The following RBBP7 variants were observed in gnomAD, a reference collection of about 807,000 sequenced individuals.
RBBP7 encodes histone-binding protein RBBP7.
Under a neutral mutation model 35.2 loss-of-function variants are expected in RBBP7, and 5 were observed. The ratio of observed to expected loss-of-function variants is 0.14; its 90% confidence interval spans 0.07 to 0.30. The LOEUF (loss-of-function observed/expected upper bound fraction) is 0.30. Ranked by LOEUF, RBBP7 falls within the 10% of genes least tolerant of loss-of-function variation. The probability of loss-of-function intolerance (pLI) is 1.00; values close to 1 mark genes in which losing one functional copy is unlikely to be tolerated. For missense variants in RBBP7, 155 were observed against 327.5 expected (o/e 0.47, Z 4.07); for synonymous variants, 140 against 118.7 (o/e 1.18, Z -1.17).
At chrX:16,853,022 C>T (rs73207149) in intron 6 of RBBP7, 147 bp from the exon 7 acceptor site, 384,316 of 951,500 alleles carry the variant, frequency 0.4, 58,582 homozygotes, top group Middle Eastern at 0.5. Context: ...ATTCAGACCT[C>T]GACCACTAAA....
chrX:16,861,100 G>C (rs1930466225), intron 3 of RBBP7, among the ~76,000 whole-genome samples: 1 of 111,822 alleles, frequency 8.9e-6, no homozygotes, highest in Non-Finnish European at 1.9e-5. Context: ...CTTGAACCCA[G>C]GAGGTGGAGG....
At chrX:16,864,800 C>T (rs1310887904) in intron 2 of RBBP7, among the ~76,000 whole-genome samples, 3 of 109,930 alleles carry the variant, frequency 2.7e-5, no homozygotes, top group African/African-American at 9.9e-5. Context: ...TCTTCAGCAG[C>T]TGGGACTACA....
At chrX:16,854,428 G>T (rs1930296184) in intron 5 of RBBP7, among the ~76,000 whole-genome samples, 1 of 110,469 alleles carries the variant, frequency 9.1e-6, no homozygotes, top group African/African-American at 3.3e-5. Flanking sequence ...CATACATTCA[G>T]ACATTCAAGT....
In RBBP7 at chrX:16,844,623, C is replaced by G. The variant is rs757760467; in HGVS notation, c.*412G>C. 497 of 108,519 alleles carry G rather than the reference C, an allele frequency of 4.6e-3. 2 individuals carry two copies. Among genetic ancestry groups the G allele is most frequent in the Admixed American group, 7.2e-3 (73 of 10,074 alleles). The allele number at this position is 108,519 out of a possible 1,213,427, so 8.9% of individuals were successfully genotyped here. On this transcript the variant is annotated 3_prime_UTR_variant, in exon 12 of 12. Coordinates refer to ENST00000380087, the MANE Select transcript of RBBP7 (RefSeq NM_002893.4). Reference sequence around the variant, plus strand: ...CAAAAAGTAGACTCCCCCGCCCCCCCCCACTAAGCTTTTAAAAAAACACAA... The same window carrying G: ...CAAAAAGTAGACTCCCCCGCCCCCCGCCACTAAGCTTTTAAAAAAACACAA...
chrX:16,870,026 A>T lies in RBBP7; in HGVS notation c.16+12T>A. The T allele has an allele frequency of 1.1e-6, 1 of 935,946 alleles. No individual in the cohort carries two copies. The highest frequency in any genetic ancestry group is 1.4e-6 in the Non-Finnish European group (1 of 739,138). 77.1% of individuals were successfully genotyped at this position (935,946 alleles called of 1,213,427 possible). Reference sequence around the variant, plus strand: ...GCGGCCCCGGCGCGCGCCGCCCCGCAGGGCCTCTTACTCTCTTTACTCGCC... The same window carrying T: ...GCGGCCCCGGCGCGCGCCGCCCCGCTGGGCCTCTTACTCTCTTTACTCGCC... On this transcript the variant is annotated intron_variant, in intron 1 of 11. Transcript: ENST00000380087.
At position 16,869,058 on chromosome X, in the gene RBBP7, G is replaced by A. The variant is rs1224593936; in HGVS notation, c.161+18C>T. On this transcript the variant is annotated intron_variant, in intron 2 of 11. Transcript: ENST00000380087. ...ACAGTTAAATTTAAACAAAATAAAA[G>A]TTGCCAGAAACCCTTACTTAGTCAC... The A allele has an allele frequency of 8.4e-7, 1 of 1,185,404 alleles. No individual in the cohort carries two copies. Among genetic ancestry groups the A allele is most frequent in the Admixed American group, 2.7e-5 (1 of 37,692 alleles).
Position 16,853,859 on chromosome X carries a change from G to T in RBBP7, c.598-17C>A. 2.2e-6 allele frequency: 2 copies of T among 911,280 alleles called. No individual in the cohort carries two copies. The highest frequency in any genetic ancestry group is 4.1e-5 in the East Asian group (1 of 24,271). The allele number at this position is 911,280 out of a possible 1,213,427, so 75.1% of individuals were successfully genotyped here. Reference sequence around the variant, plus strand: ...ACAAACAGTCTAAGAGAGAAGGAGAGAAAAAAAAAAGAACAAGGGCTATAA... The same window carrying T: ...ACAAACAGTCTAAGAGAGAAGGAGATAAAAAAAAAAGAACAAGGGCTATAA... On this transcript the variant is annotated splice_polypyrimidine_tract_variant and intron_variant, in intron 5 of 11. Transcript: ENST00000380087.
Position 16,852,834 on chromosome X carries a change from A to G in RBBP7, c.800T>C (p.Leu267Ser), listed in dbSNP as rs1370222101. The G allele has an allele frequency of 1.7e-6, 2 of 1,210,314 alleles. No homozygotes were observed. The change falls in exon 7 of 12, where the codon TTG (leucine) becomes TCG (serine). Residue 267 changes from leucine to serine, a missense_variant. Physicochemically the swap from Leu to Ser is moderately radical, Grantham distance 145. Around this residue, in one of 3 missense-constraint regions of RBBP7, gnomAD observed 79 missense variants for 220.8 expected, o/e 0.36. Transcript: ENST00000380087. ...RSNTTSKPSH[L>S]VDAHTAEVNC... ...GACTTCGGCAGTGTGCGCATCCACC[A>G]AGTGACTCGGCTTGGAGGTGGTATT...
At chrX:16,866,815 C>G (rs1420463714) in intron 2 of RBBP7, among the ~76,000 whole-genome samples, 4 of 110,310 alleles carry the variant, frequency 3.6e-5, no homozygotes, top group Admixed American at 2.9e-4. Context: ...AAACTGAACC[C>G]TGCAAAGCAC....
At position 16,858,859 on chromosome X, in the gene RBBP7, GGAGA is replaced by G. The variant is rs1569061605; in HGVS notation, c.308-14_308-11del. On this transcript the variant is annotated splice_polypyrimidine_tract_variant and intron_variant, in intron 3 of 11. Transcript: ENST00000380087. ...CCAAAGCCACCAAATTCTAATGTGA[GGAGA>G]AAGAAACACACACACACACACTCAG... 8.3e-7 allele frequency: 1 copy of G among 1,207,815 alleles called. No homozygotes were observed. Among genetic ancestry groups the G allele is most frequent in the Non-Finnish European group, 1.1e-6 (1 of 893,054 alleles).
intron 5 of RBBP7, among the ~76,000 whole-genome samples, chrX:16,856,401 A>G (rs765730339): frequency 9.0e-6 from 1 of 111,042 alleles, no homozygotes; most frequent in Admixed American, 9.6e-5. Context: ...TTCATGGTGC[A>G]TGGCTGTAAT....
In RBBP7 at chrX:16,845,045, T is replaced by C. The variant is rs371441921; in HGVS notation, c.1268A>G (p.Gln423Arg). The C allele has an allele frequency of 1.6e-5, 19 of 1,208,178 alleles. No individual in the cohort carries two copies. The highest frequency in any genetic ancestry group is 2.2e-5 in the Admixed American group (1 of 46,022). Reference protein sequence around the residue: ...SDVTTSELEGQGS With the variant: ...SDVTTSELEGRGS ...TCTCGTACTTTGGGTTTAAGATCCTTGTCCCTCCAGTTCGGATGTCGTGAC... is the reference window on the plus strand; with the variant it reads ...TCTCGTACTTTGGGTTTAAGATCCTCGTCCCTCCAGTTCGGATGTCGTGAC... Residue 423 changes from glutamine to arginine, a missense_variant, in exon 12 of 12, where the codon CAA (glutamine) becomes CGA (arginine). Gln to Arg is a conservative substitution (Grantham distance 43). Transcript: ENST00000380087.
At chrX:16,849,366 C>T (rs78440627) in intron 9 of RBBP7, 65 bp from the exon 10 acceptor site, 1 of 947,258 alleles carries the variant, frequency 1.1e-6, no homozygotes, top group South Asian at 2.2e-5. Flanking sequence ...ATCTGCTAAA[C>T]CAGTATCAGC....
intron 10 of RBBP7, chrX:16,848,010 G>C (rs1262051912): frequency 4.5e-5 from 5 of 112,134 alleles, no homozygotes; most frequent in Non-Finnish European, 7.5e-5. Flanking sequence ...AAAAAAAATA[G>C]CTGGAGACCT....
chrX:16,864,465 G>C (rs1389499292), intron 2 of RBBP7, among the ~76,000 whole-genome samples: 1 of 99,168 alleles, frequency 1.0e-5, no homozygotes, highest in African/African-American at 3.8e-5. Flanking sequence ...GTTGTGGTGA[G>C]TCAAGATCTC....
chrX:16,853,905 T>TC (rs1465839850), intron 5 of RBBP7, 63 bp from the exon 6 acceptor site: 1 of 656,870 alleles, frequency 1.5e-6, no homozygotes, highest in South Asian at 5.3e-5. Context: ...TTTTTTTTTT[T>TC]CCCTCGAGAC....
At position 16,857,484 on chromosome X, in the gene RBBP7, A is replaced by C. The variant is rs181618677; in HGVS notation, c.597+110T>G. ...GTCCTGGGGGAATGTTACCACAATAATCAGCAGTATTATCTTAGAAAACCT... is the reference window on the plus strand; with the variant it reads ...GTCCTGGGGGAATGTTACCACAATACTCAGCAGTATTATCTTAGAAAACCT... On this transcript the variant is annotated intron_variant, in intron 5 of 11. Coordinates refer to ENST00000380087, the MANE Select transcript of RBBP7 (RefSeq NM_002893.4). The C allele has an allele frequency of 1.5e-5, 16 of 1,098,285 alleles. No homozygotes were observed. In the East Asian group the frequency reaches 4.2e-4, roughly 29 times the overall value. 90.5% of individuals were successfully genotyped at this position (1,098,285 alleles called of 1,213,427 possible).
At chrX:16,850,059 C>T (rs1455063327) in intron 9 of RBBP7, among the ~76,000 whole-genome samples, 1 of 111,936 alleles carries the variant, frequency 8.9e-6, no homozygotes, top group Non-Finnish European at 1.9e-5. Flanking sequence ...AAAACAAAAC[C>T]CAGCCCTCCA....
At chrX:16,855,815 G>A (rs1432171623) in intron 5 of RBBP7, among the ~76,000 whole-genome samples, 3 of 108,133 alleles carry the variant, frequency 2.8e-5, no homozygotes, top group African/African-American at 1.0e-4. Context: ...TGGGCAATAC[G>A]GCAAAACTCC....
Sources: allele counts gnomAD v4.1 joint callset (sites outside exome capture counted in the v4.1 genomes callset), GRCh38; gene constraint gnomAD v4.1.1; regional missense constraint gnomAD v4.1.1; transcripts MANE v1.5; gene names NCBI Gene and HGNC (gene_info 2026-07-23, HGNC 2026-07-21).